Variants in PDE7B observed in about 807,000 individuals in gnomAD.
PDE7B encodes the protein phosphodiesterase 7B.
In PDE7B, 29 loss-of-function variants were observed where a neutral mutation model predicts 56.2. That is an observed-to-expected ratio of 0.52 (90% CI 0.38 to 0.70). The LOEUF is 0.70. Ranked by LOEUF, PDE7B falls within the 30% of genes least tolerant of loss-of-function variation. The pLI is 0.00. For synonymous variants in PDE7B, 197 were observed against 196.9 expected (o/e 1.00, Z 0.00); for missense variants, 490 against 565.0 (o/e 0.87, Z 1.35).
intron 1 of PDE7B, among the ~76,000 whole-genome samples, chr6:135,876,719 C>T (rs929891363): frequency 6.6e-6 from 1 of 152,020 alleles, no homozygotes; most frequent in African/African-American, 2.4e-5. Context: ...ATTAGCTGGT[C>T]ATGGTGGTGG....
At chr6:136,027,477 C>G (rs933635650) in intron 2 of PDE7B, among the ~76,000 whole-genome samples, 3 of 152,000 alleles carry the variant, frequency 2.0e-5, no homozygotes, top group Admixed American at 2.0e-4. Context: ...CATAATTAAC[C>G]ACCCATGTTT....
chr6:136,091,769 C>T (rs1034689806), intron 2 of PDE7B, among the ~76,000 whole-genome samples: 1 of 152,132 alleles, frequency 6.6e-6, no homozygotes, highest in Non-Finnish European at 1.5e-5. Flanking sequence ...CCCTCAGCCT[C>T]CTGGGTGGCC....
intron 1 of PDE7B, among the ~76,000 whole-genome samples, chr6:135,886,086 T>A (rs1775703802): frequency 3.9e-5 from 6 of 152,164 alleles, no homozygotes; most frequent in Admixed American, 3.9e-4. Flanking sequence ...AAACATACAA[T>A]GGCCTTGCTT....
At chr6:135,964,600 TG>T (rs1239820300) in intron 2 of PDE7B, among the ~76,000 whole-genome samples, 1 of 152,222 alleles carries the variant, frequency 6.6e-6, no homozygotes, top group African/African-American at 2.4e-5. Context: ...TATAATATTT[TG>T]CTTATACTCT....
At chr6:136,140,231 G>C (rs186709950) in intron 3 of PDE7B, among the ~76,000 whole-genome samples, 355 of 152,160 alleles carry the variant, frequency 2.3e-3, no homozygotes, top group African/African-American at 3.5e-3. Flanking sequence ...ATAGGGAATC[G>C]TTTCCCCATT....
At chr6:135,867,123 A>G (rs1583717157) in intron 1 of PDE7B, among the ~76,000 whole-genome samples, 1 of 152,318 alleles carries the variant, frequency 6.6e-6, no homozygotes, top group East Asian at 1.9e-4. Flanking sequence ...TTAATAATTT[A>G]TGAGCAATTT....
intron 2 of PDE7B, among the ~76,000 whole-genome samples, chr6:135,980,294 G>A (rs1305407353): frequency 6.6e-6 from 1 of 152,132 alleles, no homozygotes; most frequent in Admixed American, 6.5e-5. Context: ...ATCAATTCAA[G>A]ATGGATTAAA....
At chr6:136,026,081 A>G (rs1048157377) in intron 2 of PDE7B, among the ~76,000 whole-genome samples, 3 of 152,202 alleles carry the variant, frequency 2.0e-5, no homozygotes, top group Non-Finnish European at 4.4e-5. Context: ...GAGGTCAGAG[A>G]CAGCGGAGTT....
chr6:135,935,190 T>TTATATATATA (rs60829896), intron 1 of PDE7B, among the ~76,000 whole-genome samples: 1,758 of 36,190 alleles, frequency 0.049, 209 homozygotes, highest in South Asian at 0.076. Flanking sequence ...ATATATTTAT[T>TTATATATATA]TATATATATA....
intron 2 of PDE7B, among the ~76,000 whole-genome samples, chr6:135,951,538 C>A (rs1244994746): frequency 6.6e-6 from 1 of 152,100 alleles, no homozygotes; most frequent in Non-Finnish European, 1.5e-5. Context: ...CATTTGTGAA[C>A]CTTGCTCTGT....
rs74470243 is a variant in PDE7B, at chr6:136,084,855, A to T, written c.83-23876A>T. On this transcript the variant is annotated intron_variant, in intron 2 of 12. Coordinates refer to ENST00000308191, the MANE Select transcript of PDE7B (RefSeq NM_018945.4). ...AAGTCTCAGAATGGAATTGGTTCCA[A>T]ATAATTTGCAGGGGGTTCATTTCAT... Among the ~76,000 whole-genome samples, 962 of 152,244 alleles carry T rather than the reference A, an allele frequency of 6.3e-3. 4 individuals carry two copies. Among genetic ancestry groups the T allele is most frequent in the Non-Finnish European group, 0.011 (778 of 68,008 alleles).
intron 1 of PDE7B, among the ~76,000 whole-genome samples, chr6:135,936,736 C>T (rs557616129): frequency 2.0e-4 from 30 of 152,278 alleles, no homozygotes; most frequent in African/African-American, 6.5e-4. Context: ...GGCATTTGTT[C>T]CAGGACCCTG....
chr6:135,975,731 T>C (rs1775174390), intron 2 of PDE7B, among the ~76,000 whole-genome samples: 1 of 152,208 alleles, frequency 6.6e-6, no homozygotes, highest in South Asian at 2.1e-4. Flanking sequence ...CTCAATGAGA[T>C]TTAAGACTAA....
intron 2 of PDE7B, among the ~76,000 whole-genome samples, chr6:135,970,919 C>CTTCTT (rs1775084032): frequency 1.3e-5 from 2 of 152,020 alleles, no homozygotes; most frequent in Admixed American, 6.6e-5. Flanking sequence ...AGCGTGCATC[C>CTTCTT]TTGGCTTAAG....
chr6:136,112,358 A>C (rs1777763361), intron 3 of PDE7B: 1 of 152,160 alleles, frequency 6.6e-6, no homozygotes, highest in Non-Finnish European at 1.5e-5. Context: ...TTGGTAAATA[A>C]AATTTTACTG....
chr6:135,879,058 AT>A (rs1026075851), intron 1 of PDE7B, among the ~76,000 whole-genome samples: 1 of 152,026 alleles, frequency 6.6e-6, no homozygotes, highest in African/African-American at 2.4e-5. Flanking sequence ...AATTTCATCC[AT>A]TTTTGACTTC....
Position 136,151,178 on chromosome 6 carries a change from T to C in PDE7B, c.401T>C (p.Leu134Pro). The change falls in exon 6 of 13, where the codon CTG (leucine) becomes CCG (proline). Residue 134 changes from leucine to proline, a missense_variant. Transcript: ENST00000308191. ...RLTNGNSLVT[L>P]LCHLFNTHGL... The stretch of plus-strand genomic sequence containing the variant: ...CCTGCAGGAAACAGCCTGGTAACAC[T>C]GTTGTGCCACCTCTTCAATACCCAT... The C allele has an allele frequency of 6.2e-7, 1 of 1,606,438 alleles. No individual in the cohort carries two copies. Among genetic ancestry groups the C allele is most frequent in the Non-Finnish European group, 8.5e-7 (1 of 1,173,182 alleles).
chr6:136,160,614 G>A (rs1778688495), intron 8 of PDE7B, among the ~76,000 whole-genome samples: 1 of 152,130 alleles, frequency 6.6e-6, no homozygotes, highest in Non-Finnish European at 1.5e-5. Context: ...TATGAAGACA[G>A]AAAGAGTTTC....
intron 2 of PDE7B, among the ~76,000 whole-genome samples, chr6:135,950,408 A>G (rs969518609): frequency 6.6e-6 from 1 of 152,192 alleles, no homozygotes; most frequent in Non-Finnish European, 1.5e-5. Flanking sequence ...GGAGTCTCTG[A>G]TATTGTAAAG....
Sources: allele counts gnomAD v4.1 joint callset (sites outside exome capture counted in the v4.1 genomes callset), GRCh38; gene constraint gnomAD v4.1.1; transcripts MANE v1.5; gene names NCBI Gene and HGNC (gene_info 2026-07-23, HGNC 2026-07-21).